Variants in CSMD1 observed in about 807,000 individuals in gnomAD.
CSMD1 encodes the protein CUB and sushi domain-containing protein 1.
Under a neutral mutation model 417.5 loss-of-function variants are expected in CSMD1, and 213 were observed. The observed-to-expected ratio is 0.51, with a 90% CI of 0.46 to 0.57. The LOEUF (loss-of-function observed/expected upper bound fraction) is 0.57. Among genes scored for constraint, CSMD1 ranks in the 20% least tolerant of loss-of-function variants. The pLI, the probability that CSMD1 is intolerant of heterozygous loss-of-function variation, is 0.00. For missense variants in CSMD1, 6,923 were observed against 4,529.7 expected, an observed-to-expected ratio of 1.53 and a Z score of -15.17; for synonymous variants, 2,862 against 1,736.8, an observed-to-expected ratio of 1.65 and a Z score of -16.11.
Position 4,202,745 on chromosome 8 carries a change from T to C in CSMD1, c.416-170646A>G, listed in dbSNP as rs542402735. 2.6e-5 allele frequency among the ~76,000 whole-genome samples: 4 copies of C among 152,302 alleles called. No individual in the cohort carries two copies. In the South Asian group the frequency reaches 8.3e-4, roughly 32 times the overall value. On this transcript the variant is annotated intron_variant, in intron 3 of 69. Transcript: ENST00000635120. ...AAATATTTACTTAATAACTAAGTGTTACAAAGGGAGAAAATGATAGTGATA... is the reference window on the plus strand; with the variant it reads ...AAATATTTACTTAATAACTAAGTGTCACAAAGGGAGAAAATGATAGTGATA...
At chr8:4,570,124 C>T (rs560255305) in intron 2 of CSMD1, among the ~76,000 whole-genome samples, 2 of 152,254 alleles carry the variant, frequency 1.3e-5, no homozygotes, top group East Asian at 3.9e-4. Context: ...ATTGAATACT[C>T]TTTCTTTCTT....
intron 3 of CSMD1, among the ~76,000 whole-genome samples, chr8:4,273,127 AG>A (rs1361029876): frequency 1.3e-5 from 2 of 152,308 alleles, no homozygotes; most frequent in East Asian, 3.9e-4. Flanking sequence ...GCCAAATGAT[AG>A]AGGGAAAATT....
At chr8:3,883,699 G>C (rs1446142206) in intron 5 of CSMD1, among the ~76,000 whole-genome samples, 1 of 151,942 alleles carries the variant, frequency 6.6e-6, no homozygotes, top group Non-Finnish European at 1.5e-5. Flanking sequence ...CATGTATTAT[G>C]GCATGGTTAT....
chr8:4,618,561 A>G (rs1242402558), intron 2 of CSMD1, among the ~76,000 whole-genome samples: 1 of 152,120 alleles, frequency 6.6e-6, no homozygotes, highest in Non-Finnish European at 1.5e-5. Flanking sequence ...CTTATCGCCT[A>G]CATAGCCTTC....
At chr8:3,195,720 A>G (rs1351346954) in intron 33 of CSMD1, among the ~76,000 whole-genome samples, 4 of 152,152 alleles carry the variant, frequency 2.6e-5, no homozygotes, top group Non-Finnish European at 4.4e-5. Context: ...CACTCGAGGA[A>G]TTCCCGGGAG....
chr8:4,440,328 G>A (rs1163842295), intron 2 of CSMD1, among the ~76,000 whole-genome samples: 1 of 152,114 alleles, frequency 6.6e-6, no homozygotes, highest in Non-Finnish European at 1.5e-5. Context: ...TCTATTAACT[G>A]GGAAGCATGT....
At chr8:3,251,076 C>T (rs967623115) in intron 26 of CSMD1, among the ~76,000 whole-genome samples, 84 of 152,174 alleles carry the variant, frequency 5.5e-4, no homozygotes, top group African/African-American at 1.9e-3. Flanking sequence ...AATTAGATCC[C>T]GTTTGTCAAT....
At position 3,394,017 on chromosome 8, in the gene CSMD1, TATATATA is replaced by T. The variant is rs1811522436; in HGVS notation, c.2593+2170_2593+2176del. ...AATAATAATAAAAAAATAAATTATA[TATATATA>T]TATATATATATATATATATATATAT... is the stretch of plus-strand genomic sequence containing the variant. On this transcript the variant is annotated intron_variant, in intron 17 of 69. Transcript: ENST00000635120. Among the ~76,000 whole-genome samples the T allele has an allele frequency of 1.4e-3, 109 of 77,204 alleles. 4 individuals are homozygous for T. The highest frequency in any genetic ancestry group is 4.0e-3 in the Admixed American group (27 of 6,730). The allele number at this position is 77,204 out of a possible 152,430, so 50.6% of individuals were successfully genotyped here. A position where few individuals can be genotyped will look rare whatever the true frequency, so the allele number is the denominator to read the frequency against.
intron 3 of CSMD1, among the ~76,000 whole-genome samples, chr8:4,040,184 G>T (rs773259889): frequency 6.6e-6 from 1 of 152,188 alleles, no homozygotes; most frequent in Admixed American, 6.5e-5. Context: ...TGTAATGGAA[G>T]TGAAGGAGAA....
chr8:3,490,152 C>G (rs1818286198), intron 11 of CSMD1, among the ~76,000 whole-genome samples: 1 of 152,196 alleles, frequency 6.6e-6, no homozygotes, highest in Admixed American at 6.5e-5. Flanking sequence ...ACACTAAGGA[C>G]ATATATCAGT....
intron 3 of CSMD1, among the ~76,000 whole-genome samples, chr8:4,409,629 T>C (rs1467531079): frequency 3.9e-5 from 5 of 128,618 alleles, no homozygotes; most frequent in Non-Finnish European, 7.9e-5. Context: ...TTCATCATTA[T>C]TTGACTTTTT....
At chr8:3,094,983 G>T (rs774768018) in intron 47 of CSMD1, among the ~76,000 whole-genome samples, 5 of 152,120 alleles carry the variant, frequency 3.3e-5, no homozygotes, top group Non-Finnish European at 7.4e-5. Flanking sequence ...TTGACAGCAA[G>T]TATTATGCTA....
intron 26 of CSMD1, among the ~76,000 whole-genome samples, chr8:3,264,955 G>A (rs1432081144): frequency 6.6e-6 from 1 of 152,078 alleles, no homozygotes; most frequent in African/African-American, 2.4e-5. Flanking sequence ...TAATAACGAT[G>A]AATGCTGCTA....
At chr8:4,394,986 G>C (rs1430443) in intron 3 of CSMD1, among the ~76,000 whole-genome samples, 30,971 of 152,106 alleles carry the variant, frequency 0.2, 3,643 homozygotes, top group East Asian at 0.37. Context: ...TTAAGAAAGG[G>C]AAGAGGCACA....
At chr8:3,722,636 G>A (rs1240088524) in intron 6 of CSMD1, among the ~76,000 whole-genome samples, 2 of 152,114 alleles carry the variant, frequency 1.3e-5, no homozygotes, top group African/African-American at 2.4e-5. Context: ...AAAACTGTTT[G>A]GTCCAGGCAT....
intron 18 of CSMD1, among the ~76,000 whole-genome samples, chr8:3,383,124 G>C (rs1257769717): frequency 1.3e-5 from 2 of 152,072 alleles, no homozygotes; most frequent in East Asian, 1.9e-4. Context: ...TTTTTAGATG[G>C]ATTGAAGTTA....
intron 3 of CSMD1, among the ~76,000 whole-genome samples, chr8:4,106,800 G>C (rs1177725776): frequency 1.3e-5 from 2 of 152,128 alleles, no homozygotes; most frequent in African/African-American, 4.8e-5. Context: ...GATGGTCTGG[G>C]AGAGCTCAGG....
At chr8:4,508,612 G>C (rs1265450722) in intron 2 of CSMD1, among the ~76,000 whole-genome samples, 1 of 152,070 alleles carries the variant, frequency 6.6e-6, no homozygotes, top group Non-Finnish European at 1.5e-5. Context: ...AAATGAGTCA[G>C]GAGATTGGAA....
chr8:4,297,156 A>G (rs769722321), intron 3 of CSMD1, among the ~76,000 whole-genome samples: 1 of 152,232 alleles, frequency 6.6e-6, no homozygotes, highest in South Asian at 2.1e-4. Context: ...AAAACACATA[A>G]AATAGTCATG....
Sources: allele counts gnomAD v4.1 joint callset (sites outside exome capture counted in the v4.1 genomes callset), GRCh38; gene constraint gnomAD v4.1.1; transcripts MANE v1.5; gene names NCBI Gene and HGNC (gene_info 2026-07-23, HGNC 2026-07-21).